Variants in RC3H1 observed in about 807,000 individuals in gnomAD.
RC3H1 encodes roquin-1.
A neutral mutation model predicts 138.2 loss-of-function variants in RC3H1; 50 were observed. The observed-to-expected ratio is 0.36, with a 90% CI of 0.29 to 0.46. The LOEUF is 0.46. Ranked by LOEUF, RC3H1 falls within the 20% of genes least tolerant of loss-of-function variation. RC3H1 has a pLI of 1.00. For missense variants in RC3H1, 1,031 were observed against 1,388.1 expected, an observed-to-expected ratio of 0.74 and a Z score of 4.09; for synonymous variants, 462 against 489.1, an observed-to-expected ratio of 0.94 and a Z score of 0.73.
At chr1:173,985,007 C>T (rs1438406506) in intron 2 of RC3H1, among the ~76,000 whole-genome samples, 2 of 152,110 alleles carry the variant, frequency 1.3e-5, no homozygotes, top group Non-Finnish European at 2.9e-5. Context: ...TTTGGAAAGA[C>T]GAATCTATTT....
chr1:174,020,930 A>G (rs1325536794), intron 1 of RC3H1, among the ~76,000 whole-genome samples: 5 of 152,154 alleles, frequency 3.3e-5, no homozygotes, highest in Non-Finnish European at 7.4e-5. Flanking sequence ...AATCGCTTGA[A>G]TCCGGGAGGT....
chr1:174,010,588 A>G (rs764495169), intron 1 of RC3H1, among the ~76,000 whole-genome samples: 7 of 151,510 alleles, frequency 4.6e-5, no homozygotes, highest in African/African-American at 7.3e-5. Flanking sequence ...TGTTTTTTTA[A>G]TTTTTTTTAT....
intron 7 of RC3H1, among the ~76,000 whole-genome samples, chr1:173,976,325 G>T (rs1489748287): frequency 6.6e-6 from 1 of 151,802 alleles, no homozygotes; most frequent in Admixed American, 6.6e-5. Context: ...AAATTAGCTG[G>T]ATGTGGTGGT....
At chr1:173,986,771 C>T (rs567977423) in intron 2 of RC3H1, among the ~76,000 whole-genome samples, 1 of 152,154 alleles carries the variant, frequency 6.6e-6, no homozygotes, top group Non-Finnish European at 1.5e-5. Context: ...ACTGTGTTGG[C>T]CAGGCTGGTC....
chr1:173,959,052 C>G (rs1171504653), intron 13 of RC3H1, among the ~76,000 whole-genome samples: 1 of 152,000 alleles, frequency 6.6e-6, no homozygotes, highest in East Asian at 1.9e-4. Context: ...TCCATTTACT[C>G]AAAGATTAGA....
chr1:174,016,875 T>G (rs59846661), intron 1 of RC3H1, among the ~76,000 whole-genome samples: 2,576 of 152,180 alleles, frequency 0.017, 85 homozygotes, highest in African/African-American at 0.06. Context: ...AAAACTAATT[T>G]TGTCTCCCTC....
chr1:173,949,970 G>A (rs1175267076), intron 14 of RC3H1, among the ~76,000 whole-genome samples: 1 of 151,942 alleles, frequency 6.6e-6, no homozygotes, highest in African/African-American at 2.4e-5. Context: ...AGTTCGAGAC[G>A]AGCCTGACCA....
chr1:173,944,907 T>C (rs1011553394), intron 17 of RC3H1, among the ~76,000 whole-genome samples: 2 of 152,178 alleles, frequency 1.3e-5, no homozygotes, highest in Admixed American at 6.5e-5. Context: ...ATAACTTTTT[T>C]TCCCCCCTAA....
intron 7 of RC3H1, among the ~76,000 whole-genome samples, chr1:173,975,253 G>A (rs531033264): frequency 1.9e-4 from 29 of 152,102 alleles, no homozygotes; most frequent in African/African-American, 6.3e-4. Context: ...CTGCCACCAC[G>A]CCCAGCTAGT....
At position 173,993,017 on chromosome 1, in the gene RC3H1, C is replaced by T; in HGVS notation, c.-32G>A. Reference sequence around the variant, plus strand: ...TGGAGTTACAATTCACGAACACAAACACACACACAAATCTAAAGCAAAGAT... The same window carrying T: ...TGGAGTTACAATTCACGAACACAAATACACACACAAATCTAAAGCAAAGAT... On this transcript the variant is annotated 5_prime_UTR_variant, in exon 2 of 20. Transcript: ENST00000367696. 1 of 1,433,706 alleles carries T rather than the reference C, an allele frequency of 7.0e-7. No individual in the cohort carries two copies. Among genetic ancestry groups the T allele is most frequent in the Non-Finnish European group, 9.8e-7 (1 of 1,016,950 alleles). The allele number at this position is 1,433,706 out of a possible 1,614,324, so 88.8% of individuals were successfully genotyped here.
rs758281945 is a variant in RC3H1, at chr1:173,938,705, T to A, written c.*16A>T. ...ACTGATTAGGAGCAGAAGATAAAAG[T>A]AGGACTCCTCATATTTTAAGGAGCA... is the stretch of plus-strand genomic sequence containing the variant. On this transcript the variant is annotated 3_prime_UTR_variant, in exon 20 of 20. Coordinates refer to ENST00000367696, the MANE Select transcript of RC3H1 (RefSeq NM_172071.4). 1.9e-5 allele frequency: 30 copies of A among 1,581,228 alleles called. No homozygotes were observed. The highest frequency in any genetic ancestry group is 5.2e-6 in the Non-Finnish European group (6 of 1,161,484).
intron 19 of RC3H1, among the ~76,000 whole-genome samples, 162 bp downstream of exon 19, chr1:173,941,102 AG>A (rs1247798740): frequency 6.6e-6 from 1 of 152,198 alleles, no homozygotes; most frequent in East Asian, 1.9e-4. Flanking sequence ...TACAGGCGTG[AG>A]CCACTGCGCC....
chr1:173,961,627 G>T (rs1271534076), intron 12 of RC3H1, 98 bp downstream of exon 12: 19 of 1,073,700 alleles, frequency 1.8e-5, no homozygotes, highest in Non-Finnish European at 2.5e-5. Context: ...TTATAAAAAA[G>T]AATTCATCAA....
intron 18 of RC3H1, among the ~76,000 whole-genome samples, chr1:173,942,813 G>C (rs1658956549): frequency 6.6e-6 from 1 of 151,306 alleles, no homozygotes; most frequent in African/African-American, 2.4e-5. Flanking sequence ...CTGGGCGACA[G>C]AGACTCCGCC....
chr1:174,012,115 G>C, intron 1 of RC3H1, among the ~76,000 whole-genome samples: 1 of 135,102 alleles, frequency 7.4e-6, no homozygotes. Flanking sequence ...GTGGGGATGA[G>C]GTGGCAGGGG....
intron 2 of RC3H1, among the ~76,000 whole-genome samples, chr1:173,989,091 C>T (rs997542591): frequency 3.3e-5 from 5 of 152,222 alleles, no homozygotes; most frequent in South Asian, 2.1e-4. Flanking sequence ...CGTAGTGCTG[C>T]GATCGAGGCT....
intron 14 of RC3H1, among the ~76,000 whole-genome samples, chr1:173,949,904 C>T (rs1659310922): frequency 6.6e-6 from 1 of 152,090 alleles, no homozygotes; most frequent in African/African-American, 2.4e-5. Flanking sequence ...TGGTGGCTCA[C>T]ACCTGTAATC....
Position 173,992,959 on chromosome 1 carries a change from C to T in RC3H1, c.27G>A (p.Thr9=), listed in dbSNP as rs61742286. The part of the protein sequence containing the change: MPVQAPQW[T]DFLSCPICTQ... ...TGCAAATTGGGCAGGAGAGGAAATC[C>T]GTCCATTGTGGAGCTTGTACAGGCA... The change falls in exon 2 of 20, where the codon ACG becomes ACA. Residue 9 remains threonine, a synonymous_variant. Transcript: ENST00000367696. The T allele has an allele frequency of 9.8e-5, 158 of 1,613,918 alleles. No individual in the cohort carries two copies. In the African/African-American group the frequency reaches 1.2e-3, roughly 13 times the overall value.
At chr1:174,018,534 CT>C (rs1410647267) in intron 1 of RC3H1, among the ~76,000 whole-genome samples, 4 of 152,110 alleles carry the variant, frequency 2.6e-5, no homozygotes, top group African/African-American at 9.7e-5. Context: ...AGAAAACCTC[CT>C]TTGTATAAAT....
Sources: allele counts gnomAD v4.1 joint callset (sites outside exome capture counted in the v4.1 genomes callset), GRCh38; gene constraint gnomAD v4.1.1; transcripts MANE v1.5; gene names NCBI Gene and HGNC (gene_info 2026-07-23, HGNC 2026-07-21).